OSBPL8: variants seen among roughly 807,000 people sequenced by gnomAD.
OSBPL8 encodes oxysterol binding protein like 8.
Under a neutral mutation model 125.5 loss-of-function variants are expected in OSBPL8, and 59 were observed. The ratio of observed to expected loss-of-function variants is 0.47; its 90% confidence interval spans 0.38 to 0.58. OSBPL8 has a LOEUF of 0.58. Among genes scored for constraint, OSBPL8 ranks in the 20% least tolerant of loss-of-function variants. The pLI is 0.00. For synonymous variants in OSBPL8, 330 were observed against 338.9 expected, an observed-to-expected ratio of 0.97 and a Z score of 0.29; for missense variants, 758 against 1,047.8, an observed-to-expected ratio of 0.72 and a Z score of 3.82.
intron 4 of OSBPL8, among the ~76,000 whole-genome samples, chr12:76,414,047 G>A (rs1036077942): frequency 4.6e-5 from 7 of 152,072 alleles, no homozygotes; most frequent in Admixed American, 6.6e-5. Flanking sequence ...TTTACTTTTT[G>A]CATCTACATC....
intron 1 of OSBPL8, among the ~76,000 whole-genome samples, chr12:76,512,896 T>C (rs1367546350): frequency 1.3e-5 from 2 of 152,216 alleles, no homozygotes; most frequent in East Asian, 3.9e-4. Context: ...ATACAGATCT[T>C]TCACCTCCCC....
At chr12:76,395,606 G>A (rs1221144078) in intron 8 of OSBPL8, among the ~76,000 whole-genome samples, 2 of 152,244 alleles carry the variant, frequency 1.3e-5, no homozygotes, top group East Asian at 3.9e-4. Flanking sequence ...CCTAAAACCA[G>A]TATATAGTGG....
At chr12:76,431,735 C>T (rs1870853244) in intron 4 of OSBPL8, among the ~76,000 whole-genome samples, 1 of 152,038 alleles carries the variant, frequency 6.6e-6, no homozygotes, top group South Asian at 2.1e-4. Flanking sequence ...AACTTCAATG[C>T]ACCTAAATAT....
chr12:76,486,986 G>A (rs1878205387), intron 2 of OSBPL8, among the ~76,000 whole-genome samples: 2 of 147,858 alleles, frequency 1.4e-5, no homozygotes, highest in Admixed American at 6.7e-5. Flanking sequence ...GAAAACTGGT[G>A]TGCTCCAACA....
intron 4 of OSBPL8, among the ~76,000 whole-genome samples, chr12:76,427,466 T>C (rs997207103): frequency 2.6e-5 from 4 of 152,024 alleles, no homozygotes; most frequent in Middle Eastern, 3.5e-3. Context: ...TATATTACAA[T>C]AATCTGAAGA....
chr12:76,525,545 C>A (rs1428390543), intron 1 of OSBPL8, among the ~76,000 whole-genome samples: 4 of 151,932 alleles, frequency 2.6e-5, no homozygotes, highest in African/African-American at 9.7e-5. Flanking sequence ...ATGCTCTTAA[C>A]TGATAATTGA....
chr12:76,500,442 G>C (rs1301651253), intron 1 of OSBPL8, among the ~76,000 whole-genome samples: 1 of 152,222 alleles, frequency 6.6e-6, no homozygotes, highest in African/African-American at 2.4e-5. Context: ...CCCCTAACTA[G>C]AAGTATTCTC....
At position 76,355,671 on chromosome 12, in the gene OSBPL8, C is replaced by T. The variant is rs1022625949; in HGVS notation, c.*218G>A. The stretch of plus-strand genomic sequence containing the variant: ...CATTCTCACAAAAGCTAGAAATGTC[C>T]TGGCACTTAACACATAGCTCACTTT... On this transcript the variant is annotated 3_prime_UTR_variant, in exon 24 of 24. Coordinates refer to ENST00000261183, the MANE Select transcript of OSBPL8 (RefSeq NM_020841.5). The T allele has an allele frequency of 8.4e-6, 4 of 477,340 alleles. No individual in the cohort carries two copies. Among genetic ancestry groups the T allele is most frequent in the Non-Finnish European group, 1.5e-5 (4 of 273,604 alleles). 29.6% of individuals were successfully genotyped at this position (477,340 alleles called of 1,614,324 possible).
chr12:76,356,162 T>TGGGGGGTGGTGGGGGGGGG (rs1951977262), intron 23 of OSBPL8, 141 bp from the exon 24 acceptor site: 1 of 131,834 alleles, frequency 7.6e-6, no homozygotes, highest in African/African-American at 3.4e-5. Flanking sequence ...TATGTAGGGG[T>TGGGGGGTGGTGGGGGGGGG]GGGGGGGGGC....
intron 4 of OSBPL8, among the ~76,000 whole-genome samples, chr12:76,420,812 C>G (rs552896117): frequency 1.3e-5 from 2 of 152,036 alleles, no homozygotes; most frequent in South Asian, 4.1e-4. Flanking sequence ...GTACTTAATT[C>G]CATTCTACTT....
rs952281975 is a variant in OSBPL8 at position 76,355,207 on chromosome 12, C to G, written c.*682G>C. 1.3e-5 allele frequency: 2 copies of G among 152,196 alleles called. No individual in the cohort carries two copies. The highest frequency in any genetic ancestry group is 4.8e-5 in the African/African-American group (2 of 41,326). The allele number at this position is 152,196 out of a possible 1,614,324, so 9.4% of individuals were successfully genotyped here. On this transcript the variant is annotated 3_prime_UTR_variant, in exon 24 of 24. Coordinates refer to ENST00000261183, the MANE Select transcript of OSBPL8 (RefSeq NM_020841.5). ...ACCAGTGTTTTTATACTGATATACA[C>G]GTAAGTATATATATTTACCTGCATC...
intron 3 of OSBPL8, among the ~76,000 whole-genome samples, chr12:76,452,708 A>G (rs1004339557): frequency 6.6e-6 from 1 of 152,186 alleles, no homozygotes; most frequent in Non-Finnish European, 1.5e-5. Flanking sequence ...GAAATTCAAC[A>G]CAGTCTGGCC....
chr12:76,372,315 C>T (rs919670724), intron 18 of OSBPL8, among the ~76,000 whole-genome samples: 4 of 152,098 alleles, frequency 2.6e-5, no homozygotes, highest in Admixed American at 2.0e-4. Flanking sequence ...AAGCAATCTT[C>T]CTGCCTTAGC....
intron 4 of OSBPL8, among the ~76,000 whole-genome samples, 173 bp downstream of exon 4, chr12:76,450,678 G>A (rs2136730697): frequency 6.6e-6 from 1 of 152,038 alleles, no homozygotes; most frequent in East Asian, 1.9e-4. Flanking sequence ...AAAGGAAAGT[G>A]TACTCATTTC....
intron 1 of OSBPL8, among the ~76,000 whole-genome samples, chr12:76,558,150 C>T (rs1462944592): frequency 6.6e-6 from 1 of 151,840 alleles, no homozygotes; most frequent in African/African-American, 2.4e-5. Flanking sequence ...AAGTAACAAA[C>T]ATTTGAAATT....
At position 76,448,735 on chromosome 12, in the gene OSBPL8, A is replaced by C. The variant is rs547685234; in HGVS notation, c.217+2116T>G. Among the ~76,000 whole-genome samples, 806 of 152,162 alleles carry C rather than the reference A, an allele frequency of 5.3e-3. 7 individuals are homozygous for C. Among genetic ancestry groups the C allele is most frequent in the African/African-American group, 0.019 (778 of 41,548 alleles). ...ATTTTCTATTGAAATAAAGTAGAGGATGGGTGCGGTGGCTCACGCCTGTAA... is the reference window on the plus strand; with the variant it reads ...ATTTTCTATTGAAATAAAGTAGAGGCTGGGTGCGGTGGCTCACGCCTGTAA... On this transcript the variant is annotated intron_variant, in intron 4 of 23. Transcript: ENST00000261183.
chr12:76,517,421 G>A (rs1417978398), intron 1 of OSBPL8, among the ~76,000 whole-genome samples: 1 of 151,910 alleles, frequency 6.6e-6, no homozygotes. Context: ...CACCATCTAT[G>A]ACTAATATTA....
intron 1 of OSBPL8, among the ~76,000 whole-genome samples, chr12:76,548,566 T>A (rs1469842187): frequency 6.6e-6 from 1 of 152,116 alleles, no homozygotes; most frequent in African/African-American, 2.4e-5. Context: ...AGTGAACCAC[T>A]ATCTAGGGAA....
At chr12:76,366,786 GTTTGT>G (rs546212257) in intron 21 of OSBPL8, among the ~76,000 whole-genome samples, 20 of 151,226 alleles carry the variant, frequency 1.3e-4, no homozygotes, top group East Asian at 3.9e-4. Flanking sequence ...GACCCATTGA[GTTTGT>G]TTTGTTTTGT....
Sources: allele counts gnomAD v4.1 joint callset (sites outside exome capture counted in the v4.1 genomes callset), GRCh38; gene constraint gnomAD v4.1.1; transcripts MANE v1.5; gene names NCBI Gene and HGNC (gene_info 2026-07-23, HGNC 2026-07-21).